The following KSR2 variants were observed in gnomAD, a reference collection of about 807,000 sequenced individuals.
KSR2 encodes the protein kinase suppressor of ras 2.
A neutral mutation model predicts 107.8 loss-of-function variants in KSR2; 25 were observed. That is an observed-to-expected ratio of 0.23 (90% CI 0.17 to 0.32). The LOEUF is 0.32. Among genes scored for constraint, KSR2 ranks in the 10% least tolerant of loss-of-function variants. The pLI, the probability that KSR2 is intolerant of heterozygous loss-of-function variation, is 1.00. For synonymous variants in KSR2, 480 were observed against 507.0 expected, an observed-to-expected ratio of 0.95 and a Z score of 0.71; for missense variants, 887 against 1,268.9, an observed-to-expected ratio of 0.70 and a Z score of 4.57.
intron 3 of KSR2, among the ~76,000 whole-genome samples, chr12:117,780,677 T>C (rs1041451186): frequency 2.6e-5 from 4 of 152,210 alleles, no homozygotes; most frequent in African/African-American, 4.8e-5. Context: ...CACTTAAAAA[T>C]TGTTAAAATG....
chr12:117,668,298 C>G (rs1025325716), intron 4 of KSR2, among the ~76,000 whole-genome samples: 21 of 152,218 alleles, frequency 1.4e-4, no homozygotes, highest in Admixed American at 1.2e-3. Flanking sequence ...CTCCTCCTTC[C>G]CAGCCCACCC....
chr12:117,696,615 T>G (rs973179451), intron 4 of KSR2, among the ~76,000 whole-genome samples: 90 of 152,282 alleles, frequency 5.9e-4, no homozygotes, highest in African/African-American at 2.0e-3. Context: ...ATTTTAGTGA[T>G]GTTAATCTTT....
At chr12:117,753,297 C>T (rs919851617) in intron 4 of KSR2, among the ~76,000 whole-genome samples, 8 of 152,162 alleles carry the variant, frequency 5.3e-5, no homozygotes, top group Admixed American at 3.9e-4. Context: ...TGTTTACATA[C>T]GGTGGCTCCT....
At chr12:117,521,749 T>C (rs562023244) in intron 14 of KSR2, among the ~76,000 whole-genome samples, 18 of 152,288 alleles carry the variant, frequency 1.2e-4, no homozygotes, top group African/African-American at 4.3e-4. Context: ...GTAAAATAAA[T>C]CTAGGGTCCA....
chr12:117,953,253 T>C (rs1254178992), intron 1 of KSR2, among the ~76,000 whole-genome samples: 1 of 152,202 alleles, frequency 6.6e-6, no homozygotes, highest in Non-Finnish European at 1.5e-5. Flanking sequence ...GCAGCCACTG[T>C]GGCAAACATT....
chr12:117,908,512 G>A (rs1280464401), intron 1 of KSR2, among the ~76,000 whole-genome samples: 2 of 152,126 alleles, frequency 1.3e-5, no homozygotes, highest in Non-Finnish European at 1.5e-5. Context: ...AGCTTAGATC[G>A]TTACATATCT....
At chr12:117,929,641 C>T (rs774391015) in intron 1 of KSR2, among the ~76,000 whole-genome samples, 8 of 152,084 alleles carry the variant, frequency 5.3e-5, no homozygotes, top group Non-Finnish European at 8.8e-5. Flanking sequence ...ATAAATGAAA[C>T]GCAGTGTATC....
chr12:117,795,839 G>A (rs546550317), intron 3 of KSR2, among the ~76,000 whole-genome samples: 6 of 152,024 alleles, frequency 3.9e-5, no homozygotes, highest in African/African-American at 1.5e-4. Context: ...TCAAACTCCT[G>A]GGCTCAAGTG....
chr12:117,968,304 A>ACGG lies in KSR2; in HGVS notation c.-50_-49insCCG. ...CCTCCTCCTCCTCCCAGAGAGAAAA[A>ACGG]AGAGGGGGGGGAGTAGAGGTAGTCT... On this transcript the variant is annotated 5_prime_UTR_variant, in exon 1 of 20. Coordinates refer to ENST00000339824, the MANE Select transcript of KSR2 (RefSeq NM_173598.6). 1.5e-6 allele frequency: 1 copy of ACGG among 680,646 alleles called. No homozygotes were observed. Among genetic ancestry groups the ACGG allele is most frequent in the Non-Finnish European group, 1.9e-6 (1 of 526,566 alleles). 42.2% of individuals were successfully genotyped at this position (680,646 alleles called of 1,614,324 possible). A position where few individuals can be genotyped will look rare whatever the true frequency, so the allele number is the denominator to read the frequency against.
Position 117,769,871 on chromosome 12 carries a change from T to C in KSR2, c.473-8347A>G, listed in dbSNP as rs559386227. Among the ~76,000 whole-genome samples the C allele has an allele frequency of 2.0e-5, 3 of 152,148 alleles. No homozygotes were observed. The South Asian group carries it at 6.2e-4, about 32-fold the overall frequency. ...GAGTTCAAGACCAGACTGGCCAACA[T>C]GGTGAAACTCCATCTCTACTAAAAA... is the stretch of plus-strand genomic sequence containing the variant. On this transcript the variant is annotated intron_variant, in intron 3 of 19. Coordinates refer to ENST00000339824, the MANE Select transcript of KSR2 (RefSeq NM_173598.6).
In KSR2 at chr12:117,473,358, T is replaced by C. The variant is rs192910241; in HGVS notation, c.2583-2038A>G. ...TATTATTAATATTATCCGCCTTTCA[T>C]AGATGAGGAAACTGATGCCCAGAAA... is the stretch of plus-strand genomic sequence containing the variant. On this transcript the variant is annotated intron_variant, in intron 17 of 19. Transcript: ENST00000339824. 2.0e-3 allele frequency among the ~76,000 whole-genome samples: 303 copies of C among 152,308 alleles called. 1 individual carries two copies. Among genetic ancestry groups the C allele is most frequent in the African/African-American group, 7.1e-3 (297 of 41,568 alleles).
intron 1 of KSR2, among the ~76,000 whole-genome samples, chr12:117,932,622 T>C (rs1895725090): frequency 6.6e-6 from 1 of 152,098 alleles, no homozygotes; most frequent in Non-Finnish European, 1.5e-5. Flanking sequence ...CTCAGGAGGC[T>C]GAGGTGAGAG....
chr12:117,618,261 C>T (rs906941145), intron 5 of KSR2, among the ~76,000 whole-genome samples: 3 of 151,890 alleles, frequency 2.0e-5, no homozygotes, highest in African/African-American at 4.8e-5. Context: ...TCTAGTTTAC[C>T]CTTACTCTCA....
intron 6 of KSR2, 66 bp downstream of exon 6, chr12:117,582,224 G>A (rs1879706630): frequency 2.9e-6 from 4 of 1,396,306 alleles, no homozygotes; most frequent in Non-Finnish European, 3.1e-6. Flanking sequence ...CCAGGGCAGG[G>A]GCCAGAGCCC....
intron 5 of KSR2, among the ~76,000 whole-genome samples, chr12:117,654,085 G>T (rs1884018435): frequency 6.6e-6 from 1 of 152,150 alleles, no homozygotes; most frequent in African/African-American, 2.4e-5. Context: ...ACAGCTCTTG[G>T]CCTGTTACTA....
At position 117,845,857 on chromosome 12, in the gene KSR2, A is replaced by T. The variant is rs556909568; in HGVS notation, c.472+9571T>A. Among the ~76,000 whole-genome samples the T allele has an allele frequency of 6.2e-4, 89 of 144,042 alleles. 1 individual carries two copies. The South Asian group carries it at 0.012, about 20-fold the overall frequency. The allele number at this position is 144,042 out of a possible 152,430, so 94.5% of individuals were successfully genotyped here. A position where few individuals can be genotyped will look rare whatever the true frequency, so the allele number is the denominator to read the frequency against. On this transcript the variant is annotated intron_variant, in intron 3 of 19. Coordinates refer to ENST00000339824, the MANE Select transcript of KSR2 (RefSeq NM_173598.6). ...CACACCTAGCTAATTTTTTGTATTT[A>T]TTTTTTTTTTTCAGTAGAGATGGGG...
At chr12:117,877,306 C>T (rs1893886492) in intron 1 of KSR2, among the ~76,000 whole-genome samples, 1 of 152,016 alleles carries the variant, frequency 6.6e-6, no homozygotes, top group South Asian at 2.1e-4. Flanking sequence ...CACTGCACTC[C>T]AGCCTGGGTG....
chr12:117,774,280 G>A (rs1889610458), intron 3 of KSR2, among the ~76,000 whole-genome samples: 2 of 152,194 alleles, frequency 1.3e-5, no homozygotes, highest in Non-Finnish European at 2.9e-5. Context: ...TGAGTTTCGA[G>A]TTTGTCATCC....
intron 3 of KSR2, among the ~76,000 whole-genome samples, chr12:117,809,395 G>T (rs889950922): frequency 6.6e-6 from 1 of 152,082 alleles, no homozygotes; most frequent in Non-Finnish European, 1.5e-5. Flanking sequence ...AGGCGAAGTA[G>T]CACCCCCACC....
Sources: allele counts gnomAD v4.1 joint callset (sites outside exome capture counted in the v4.1 genomes callset), GRCh38; gene constraint gnomAD v4.1.1; transcripts MANE v1.5; gene names NCBI Gene and HGNC (gene_info 2026-07-23, HGNC 2026-07-21).